ENOSF1: variants seen among roughly 807,000 people sequenced by gnomAD.
ENOSF1 encodes the protein enolase superfamily member 1.
ENOSF1 carries 73 observed loss-of-function variants against 68.2 expected under a neutral mutation model. The ratio of observed to expected loss-of-function variants is 1.07; its 90% CI spans 0.89 to 1.30. The LOEUF (loss-of-function observed/expected upper bound fraction) is 1.30, where lower values mean the gene tolerates loss of function less well. Ranked by LOEUF, ENOSF1 falls within the 50% of genes most tolerant of loss-of-function variation. The pLI is 0.00. For missense variants in ENOSF1, 589 were observed against 554.5 expected, an observed-to-expected ratio of 1.06 and a Z score of -0.62; for synonymous variants, 223 against 210.4, an observed-to-expected ratio of 1.06 and a Z score of -0.52.
At chr18:676,640 A>G (rs75171060) in intron 14 of ENOSF1, among the ~76,000 whole-genome samples, 1 of 152,248 alleles carries the variant, frequency 6.6e-6, no homozygotes, top group Non-Finnish European at 1.5e-5. Context: ...ATTTCTTTAT[A>G]GCAGTGCAAG....
rs2076849942 is a variant in ENOSF1 at position 688,580 on chromosome 18, C to T, written c.647G>A (p.Trp216Ter). 6.2e-7 allele frequency: 1 copy of T among 1,613,968 alleles called. No homozygotes were observed. Among genetic ancestry groups the T allele is most frequent in the African/African-American group, 1.3e-5 (1 of 74,936 alleles). ...QLCAQALKDGWTRFKVKVGAD... is the reference protein window; with the variant it reads ...QLCAQALKDG ...GGTCCATCATCACACTCACCTGGTC[C>T]AGCCATCCTTCAGCGCCTGGGCACA... is the stretch of plus-strand genomic sequence containing the variant. The change falls in exon 9 of 16, where the codon TGG (tryptophan) becomes TAG (stop). Residue 216 changes from tryptophan (W) to a stop codon, truncating the protein, a stop_gained. Coordinates refer to ENST00000647584, the MANE Select transcript of ENOSF1 (RefSeq NM_017512.7). LOFTEE classifies it high-confidence loss of function.
intron 9 of ENOSF1, 125 bp from the exon 10 acceptor site, chr18:686,133 C>G: frequency 8.4e-6 from 6 of 715,022 alleles, no homozygotes; most frequent in South Asian, 8.0e-5. Context: ...TAACCTCTTG[C>G]TCTTTCCTCA....
intron 3 of ENOSF1, among the ~76,000 whole-genome samples, chr18:694,642 AGAG>A (rs1480023004): frequency 2.0e-5 from 3 of 148,390 alleles, no homozygotes; most frequent in African/African-American, 7.8e-5. Flanking sequence ...AAAAAAAAAA[AGAG>A]AGAGAGAGAA....
At chr18:694,036 T>TG in intron 4 of ENOSF1, 128 bp from the exon 5 acceptor site, 1 of 1,107,202 alleles carries the variant, frequency 9.0e-7, no homozygotes, top group African/African-American at 1.6e-5. Context: ...CCTCTACTGC[T>TG]GCCTGCGCCT....
rs1567999338 is a variant in ENOSF1 at position 673,454 on chromosome 18, A to G, written c.*851T>C. 1 of 211,386 alleles carries G rather than the reference A, an allele frequency of 4.7e-6. No homozygotes were observed. The highest frequency in any genetic ancestry group is 1.9e-4 in the South Asian group (1 of 5,284). 13.1% of individuals were successfully genotyped at this position (211,386 alleles called of 1,614,324 possible). On this transcript the variant is annotated 3_prime_UTR_variant, in exon 16 of 16. Coordinates refer to ENST00000647584, the MANE Select transcript of ENOSF1 (RefSeq NM_017512.7). Reference sequence around the variant, plus strand: ...GTGTGGTTATGAACTTTAAAGTTATAGTTGTTTTATATGTTGCTATAATAA... The same window carrying G: ...GTGTGGTTATGAACTTTAAAGTTATGGTTGTTTTATATGTTGCTATAATAA...
intron 2 of ENOSF1, among the ~76,000 whole-genome samples, chr18:697,621 C>T (rs772885276): frequency 2.0e-5 from 3 of 151,900 alleles, no homozygotes; most frequent in African/African-American, 4.8e-5. Context: ...CACAGTGGTG[C>T]GCACCTGTAA....
intron 8 of ENOSF1, 121 bp from the exon 9 acceptor site, chr18:688,729 A>C: frequency 1.2e-6 from 1 of 836,010 alleles, no homozygotes; most frequent in South Asian, 1.6e-5. Context: ...AGTAACACCC[A>C]TGTGTTGTTG....
At chr18:700,476 G>A (rs1442581843) in intron 2 of ENOSF1, among the ~76,000 whole-genome samples, 1 of 152,242 alleles carries the variant, frequency 6.6e-6, no homozygotes, top group South Asian at 2.1e-4. Flanking sequence ...AAAAGCTAAG[G>A]ATGATCTCAT....
chr18:681,642 T>C (rs2076086569), intron 11 of ENOSF1, among the ~76,000 whole-genome samples: 1 of 152,164 alleles, frequency 6.6e-6, no homozygotes, highest in African/African-American at 2.4e-5. Context: ...CCATGGCTCC[T>C]GCTCACCCTT....
chr18:684,393 T>A (rs1440630869), intron 10 of ENOSF1, among the ~76,000 whole-genome samples: 1 of 151,928 alleles, frequency 6.6e-6, no homozygotes, highest in Non-Finnish European at 1.5e-5. Flanking sequence ...CTGGGTGTGG[T>A]GGCTCTCACT....
intron 2 of ENOSF1, among the ~76,000 whole-genome samples, chr18:703,562 T>A (rs2078604945): frequency 6.6e-6 from 1 of 152,188 alleles, no homozygotes; most frequent in South Asian, 2.1e-4. Flanking sequence ...TGGTTACTAC[T>A]CTGGGGAAAA....
chr18:707,665 T>C (rs1351279473), intron 1 of ENOSF1: 2 of 152,104 alleles, frequency 1.3e-5, no homozygotes, highest in Non-Finnish European at 2.9e-5. Context: ...GCTATGAAAA[T>C]TTATTACTGT....
At chr18:690,719 G>GAGTCCAGCTGTTTCCCCTGGAT in intron 7 of ENOSF1, 88 bp from the exon 8 acceptor site, 1 of 1,575,856 alleles carries the variant, frequency 6.3e-7, no homozygotes, top group Admixed American at 1.8e-5. Context: ...TTCCCCTGGA[G>GAGTCCAGCTGTTTCCCCTGGAT]AGTCCAGCTG....
intron 15 of ENOSF1, among the ~76,000 whole-genome samples, chr18:674,824 A>T (rs2075313738): frequency 1.3e-5 from 2 of 152,234 alleles, no homozygotes; most frequent in African/African-American, 4.8e-5. Context: ...CCAGCCCTGA[A>T]TTAATATTTT....
downstream of ENOSF1, among the ~76,000 whole-genome samples, chr18:668,084 T>C (rs550240846): frequency 4.7e-5 from 7 of 149,140 alleles, no homozygotes; most frequent in Non-Finnish European, 1.0e-4. Flanking sequence ...ACATCCTGTA[T>C]ACATTCACAT....
intron 10 of ENOSF1, among the ~76,000 whole-genome samples, chr18:685,652 T>C (rs1166777504): frequency 2.0e-5 from 3 of 152,096 alleles, no homozygotes; most frequent in African/African-American, 7.2e-5. Flanking sequence ...AGAGCACCAA[T>C]GGGAAAACTG....
Position 693,094 on chromosome 18 carries a change from C to T in ENOSF1, c.423+788G>A. ...TGGTGAGCAGTGAAACCCGGACTCA[C>T]AGCCAGCTCTGCATGGGGTCTGAAG... On this transcript the variant is annotated intron_variant, in intron 5 of 15. Coordinates refer to ENST00000647584, the MANE Select transcript of ENOSF1 (RefSeq NM_017512.7). The T allele has an allele frequency of 3.9e-6, 5 of 1,288,812 alleles. No homozygotes were observed. The South Asian group carries it at 6.2e-5, about 16-fold the overall frequency. The allele number at this position is 1,288,812 out of a possible 1,614,324, so 79.8% of individuals were successfully genotyped here.
intron 15 of ENOSF1, 116 bp downstream of exon 15, chr18:675,205 T>C: frequency 2.5e-6 from 2 of 788,360 alleles, no homozygotes; most frequent in Non-Finnish European, 4.4e-6. Context: ...CGTTTGTTAG[T>C]GGATATTGCA....
rs371606482 is a variant in ENOSF1 at position 673,242 on chromosome 18, TGAG to T, written c.*1060_*1062del. The T allele has an allele frequency of 1.2e-3, 412 of 343,176 alleles. 1 individual carries two copies. The highest frequency in any genetic ancestry group is 7.8e-3 in the African/African-American group (379 of 48,698). 21.3% of individuals were successfully genotyped at this position (343,176 alleles called of 1,614,324 possible). ...GACAATGCTGAGGTTATGAACAAAGTGAGGAGAATGAAATGTATGTGCTCTTAG... is the reference window on the plus strand; with the variant it reads ...GACAATGCTGAGGTTATGAACAAAGTGAGAATGAAATGTATGTGCTCTTAG... On this transcript the variant is annotated 3_prime_UTR_variant, in exon 16 of 16. Coordinates refer to ENST00000647584, the MANE Select transcript of ENOSF1 (RefSeq NM_017512.7).
Sources: gnomAD v4.1 joint callset for allele counts (sites outside exome capture counted in the v4.1 genomes callset) on GRCh38, gnomAD v4.1.1 for gene constraint, MANE v1.5 for transcripts, NCBI Gene and HGNC (gene_info 2026-07-23, HGNC 2026-07-21) for gene names.